Variants in NRXN1 observed in about 807,000 individuals in gnomAD.
The protein encoded by NRXN1 is neurexin 1, also known as neurexin-1.
Under a neutral mutation model 150.9 loss-of-function variants are expected in NRXN1, and 39 were observed. That is an observed-to-expected ratio of 0.26 (90% CI 0.20 to 0.34). The LOEUF is 0.34. NRXN1 is among the 10% of genes least tolerant of loss of function. The probability of loss-of-function intolerance (pLI) is 1.00; values close to 1 mark genes in which losing one functional copy is unlikely to be tolerated. For synonymous variants in NRXN1, 924 were observed against 757.0 expected (o/e 1.22, Z -3.62); for missense variants, 1,815 against 1,949.9 (o/e 0.93, Z 1.30).
In NRXN1 at chr2:50,346,605, T is replaced by G; in HGVS notation, c.3365-109635A>C. ...CCCTTTTGTCGAGCTCCCATTTCTC[T>G]GAGCCTTAGGAGCCCAGGAGCGAGT... is the stretch of plus-strand genomic sequence containing the variant. On this transcript the variant is annotated intron_variant, in intron 17 of 22. Coordinates refer to ENST00000401669, the MANE Select transcript of NRXN1 (RefSeq NM_001330078.2). The surrounding 1 kb of genome is among the most constrained non-coding windows in gnomAD (Gnocchi z 5.0). The G allele has an allele frequency of 2.8e-6, 4 of 1,436,320 alleles. No individual in the cohort carries two copies. The South Asian group carries it at 3.5e-5, about 12-fold the overall frequency. The allele number at this position is 1,436,320 out of a possible 1,614,324, so 89.0% of individuals were successfully genotyped here.
intron 21 of NRXN1, among the ~76,000 whole-genome samples, chr2:49,991,726 A>T (rs1681998647): frequency 6.6e-6 from 1 of 152,200 alleles, no homozygotes; most frequent in African/African-American, 2.4e-5. Context: ...TATTTTGTGG[A>T]TGTTGACAAA....
intron 17 of NRXN1, among the ~76,000 whole-genome samples, chr2:50,291,958 G>A (rs547351173): frequency 6.6e-5 from 10 of 152,090 alleles, no homozygotes; most frequent in African/African-American, 2.4e-4. Context: ...TTTTAGTGTT[G>A]TACACCAGGA....
intron 14 of NRXN1, among the ~76,000 whole-genome samples, chr2:50,496,721 C>T (rs143125454): frequency 2.3e-3 from 351 of 152,206 alleles, no homozygotes; most frequent in African/African-American, 7.7e-3. Flanking sequence ...GATGTGCATA[C>T]GGGTGGCAGA....
intron 5 of NRXN1, among the ~76,000 whole-genome samples, chr2:50,790,030 G>A (rs1364243985): frequency 6.6e-6 from 1 of 151,962 alleles, no homozygotes; most frequent in Non-Finnish European, 1.5e-5. Flanking sequence ...TGACATGCTG[G>A]CCTCTCATAT....
At chr2:50,404,031 G>A (rs2082577035) in intron 17 of NRXN1, among the ~76,000 whole-genome samples, 1 of 152,094 alleles carries the variant, frequency 6.6e-6, no homozygotes, top group South Asian at 2.1e-4. Context: ...CTTGGAAAAT[G>A]AGTGGATGGG....
intron 5 of NRXN1, among the ~76,000 whole-genome samples, chr2:50,638,971 T>C (rs1020279578): frequency 3.9e-5 from 6 of 152,088 alleles, no homozygotes; most frequent in Admixed American, 2.6e-4. Context: ...GTGATAGGAA[T>C]AGAAATTCTT....
rs372837371 is a variant in NRXN1 at position 50,228,602 on chromosome 2, C to T, written c.3546+8187G>A. Among the ~76,000 whole-genome samples, 5 of 151,994 alleles carry T rather than the reference C, an allele frequency of 3.3e-5. No individual in the cohort carries two copies. The East Asian group carries it at 9.7e-4, about 30-fold the overall frequency. ...AGATGTGTCTTTGGGAGTGAGCAGC[C>T]GGCACTTATTTGATAGCTAAAATTC... On this transcript the variant is annotated intron_variant, in intron 18 of 22. Transcript: ENST00000401669.
chr2:50,382,563 T>C (rs1164842630), intron 17 of NRXN1, among the ~76,000 whole-genome samples: 1 of 152,196 alleles, frequency 6.6e-6, no homozygotes, highest in African/African-American at 2.4e-5. Flanking sequence ...TTTTCTTTGA[T>C]ATTTATTAAG....
At chr2:50,043,029 A>G (rs1691255654) in intron 21 of NRXN1, among the ~76,000 whole-genome samples, 1 of 152,200 alleles carries the variant, frequency 6.6e-6, no homozygotes, top group African/African-American at 2.4e-5. Flanking sequence ...GAGTCAGTAT[A>G]TCAGAAAGTG....
At chr2:50,251,542 T>A (rs191540501) in intron 17 of NRXN1, among the ~76,000 whole-genome samples, 1 of 152,320 alleles carries the variant, frequency 6.6e-6, no homozygotes, top group African/African-American at 2.4e-5. Flanking sequence ...TTTGGGTATA[T>A]ACCCAGTAGT....
intron 21 of NRXN1, chr2:50,022,906 G>A (rs1392543942): frequency 1.3e-5 from 2 of 152,118 alleles, no homozygotes; most frequent in East Asian, 3.9e-4. Flanking sequence ...AGAGCTTCTA[G>A]GAAGACTGAA....
In NRXN1 at chr2:50,565,622, T is replaced by C. The variant is rs530005683; in HGVS notation, c.1321-12597A>G. 8.5e-5 allele frequency among the ~76,000 whole-genome samples: 13 copies of C among 152,222 alleles called. No individual in the cohort carries two copies. In the South Asian group the frequency reaches 2.7e-3, roughly 32 times the overall value. On this transcript the variant is annotated intron_variant, in intron 8 of 22. Coordinates refer to ENST00000401669, the MANE Select transcript of NRXN1 (RefSeq NM_001330078.2). Reference sequence around the variant, plus strand: ...TATAAAATTTTACTCAGTAGTACAATAGGATGAGAAAAAACAATGGAAAAT... The same window carrying C: ...TATAAAATTTTACTCAGTAGTACAACAGGATGAGAAAAAACAATGGAAAAT...
chr2:49,964,464 C>T (rs1447757900), intron 21 of NRXN1, among the ~76,000 whole-genome samples: 4 of 151,772 alleles, frequency 2.6e-5, no homozygotes, highest in Non-Finnish European at 4.4e-5. Context: ...CCTGTAATGC[C>T]AGCTACTCGG....
chr2:50,953,243 C>G (rs942597678), intron 2 of NRXN1, among the ~76,000 whole-genome samples: 2 of 152,166 alleles, frequency 1.3e-5, no homozygotes, highest in African/African-American at 4.8e-5. Flanking sequence ...AGGCAAATAC[C>G]TCAATGTCTC....
intron 19 of NRXN1, among the ~76,000 whole-genome samples, chr2:50,085,424 G>A (rs12472712): frequency 0.26 from 40,105 of 151,860 alleles, 5,671 homozygotes; most frequent in Admixed American, 0.39. Context: ...TTTAGAGGAA[G>A]GAAAAAAATT....
At chr2:50,755,270 A>G (rs1393878488) in intron 5 of NRXN1, among the ~76,000 whole-genome samples, 1 of 151,830 alleles carries the variant, frequency 6.6e-6, no homozygotes, top group Admixed American at 6.6e-5. Context: ...GTGATTCTCA[A>G]TTAAGTCAGT....
chr2:50,593,385 C>T (rs1433675628), intron 8 of NRXN1, among the ~76,000 whole-genome samples: 3 of 152,106 alleles, frequency 2.0e-5, no homozygotes, highest in African/African-American at 7.2e-5. Context: ...TTAAAGGGCA[C>T]TGAATTTACA....
At chr2:50,702,868 T>G (rs1693942821) in intron 5 of NRXN1, among the ~76,000 whole-genome samples, 1 of 151,950 alleles carries the variant, frequency 6.6e-6, no homozygotes, top group Non-Finnish European at 1.5e-5. Flanking sequence ...AACAGACAAG[T>G]TTTTTTTCCC....
intron 17 of NRXN1, among the ~76,000 whole-genome samples, chr2:50,327,797 G>A (rs2076488470): frequency 6.6e-6 from 1 of 151,856 alleles, no homozygotes; most frequent in Non-Finnish European, 1.5e-5. Context: ...TTACAGGCAT[G>A]AGCCACCTTG....
Sources: gnomAD v4.1 joint callset for allele counts (sites outside exome capture counted in the v4.1 genomes callset) on GRCh38, gnomAD v4.1.1 for gene constraint, Gnocchi (gnomAD v3.1) non-coding constraint, MANE v1.5 for transcripts, NCBI Gene and HGNC (gene_info 2026-07-23, HGNC 2026-07-21) for gene names.